ABHD2: variants seen among roughly 807,000 people sequenced by gnomAD.
The protein encoded by ABHD2 is monoacylglycerol lipase ABHD2.
Under a neutral mutation model 48.1 loss-of-function variants are expected in ABHD2, and 20 were observed. That is an observed-to-expected ratio of 0.42 (90% CI 0.29 to 0.60). The LOEUF is 0.60. Ranked by LOEUF, ABHD2 falls within the 20% of genes least tolerant of loss-of-function variation. The pLI, the probability that ABHD2 is intolerant of heterozygous loss-of-function variation, is 0.24. For synonymous variants in ABHD2, 209 were observed against 214.2 expected (o/e 0.98, Z 0.21); for missense variants, 405 against 550.9 (o/e 0.74, Z 2.65).
In ABHD2 at chr15:89,201,822, A is replaced by AG; in HGVS notation, c.*6404dup. 2 of 1,245,662 alleles carry AG rather than the reference A, an allele frequency of 1.6e-6. No individual in the cohort carries two copies. The highest frequency in any genetic ancestry group is 1.2e-6 in the Non-Finnish European group (1 of 860,988). 77.2% of individuals were successfully genotyped at this position (1,245,662 alleles called of 1,614,324 possible). The stretch of plus-strand genomic sequence containing the variant: ...CGCCATTGGAGAGACAGCGCAGAGC[A>AG]GGGGGCGGCTTGCTCGCTGGGGGCG... On this transcript the variant is annotated 3_prime_UTR_variant, in exon 11 of 11. Coordinates refer to ENST00000352732, the MANE Select transcript of ABHD2 (RefSeq NM_152924.5).
intron 1 of ABHD2, among the ~76,000 whole-genome samples, chr15:89,096,610 A>G (rs1358683881): frequency 6.6e-6 from 1 of 152,124 alleles, no homozygotes; most frequent in Admixed American, 6.5e-5. Context: ...ACCATTTGAG[A>G]AATATTAGCT....
chr15:89,112,308 T>C (rs1297567935), intron 1 of ABHD2, among the ~76,000 whole-genome samples: 1 of 152,236 alleles, frequency 6.6e-6, no homozygotes, highest in African/African-American at 2.4e-5. Context: ...GTGTTAATAA[T>C]ATGGCAATGA....
intron 2 of ABHD2, among the ~76,000 whole-genome samples, chr15:89,115,498 CA>C (rs1206433022): frequency 2.0e-5 from 3 of 151,252 alleles, no homozygotes; most frequent in African/African-American, 7.3e-5. Context: ...GCCAGATGAG[CA>C]TATACATTTT....
At position 89,116,251 on chromosome 15, in the gene ABHD2, G is replaced by A. The variant is rs192420198; in HGVS notation, c.-6-71G>A. On this transcript the variant is annotated intron_variant, in intron 2 of 10. Transcript: ENST00000352732. The surrounding 1 kb of genome is among the most constrained non-coding windows in gnomAD (Gnocchi z 4.6). ...GGCAGTATCTCTTAGCCCACCATGC[G>A]TCTGTAGGGTGGTGGGCACCACCCG... 3.7e-4 allele frequency: 522 copies of A among 1,399,230 alleles called. No homozygotes were observed. The African/African-American group carries it at 5.6e-3, about 15-fold the overall frequency. The allele number at this position is 1,399,230 out of a possible 1,614,324, so 86.7% of individuals were successfully genotyped here.
chr15:89,052,546 G>GAC, the ABHD2 span, among the ~76,000 whole-genome samples: 1,514 of 137,090 alleles, frequency 0.011, 18 homozygotes, highest in African/African-American at 0.023. Context: ...CAGACAGACA[G>GAC]ACAGACAGAC....
At chr15:89,084,725 C>T (rs1433831064), upstream of ABHD2, among the ~76,000 whole-genome samples, 3 of 152,210 alleles carry the variant, frequency 2.0e-5, no homozygotes, top group Non-Finnish European at 4.4e-5. The surrounding 1 kb of genome is among the most constrained non-coding windows in gnomAD (Gnocchi z 4.4). Context: ...CTGAAATGGG[C>T]TCCTATAATA....
the ABHD2 span, among the ~76,000 whole-genome samples, chr15:89,043,644 AAGGAGAAGGAGGAGGAGGAGAGGGAGG>A: frequency 8.5e-6 from 1 of 117,104 alleles, no homozygotes; most frequent in African/African-American, 3.2e-5. Context: ...GAGGAGGAGG[AAGGAGAAGGAGGAGGAGGAGAGGGAGG>A]AGGAGAAGGA....
rs138531705 is a variant in ABHD2, at chr15:89,182,195, T to A, written c.723-3229T>A. ...GTTAATTTTCTCTTCTCATTTGTGATTATCACTTCTTGAGAGTTTTGCAAC... is the reference window on the plus strand; with the variant it reads ...GTTAATTTTCTCTTCTCATTTGTGAATATCACTTCTTGAGAGTTTTGCAAC... On this transcript the variant is annotated intron_variant, in intron 6 of 10. Coordinates refer to ENST00000352732, the MANE Select transcript of ABHD2 (RefSeq NM_152924.5). This position sits in a 1 kb window ranked among gnomAD's most constrained non-coding sequence, Gnocchi z 4.8. Among the ~76,000 whole-genome samples, 2 of 152,348 alleles carry A rather than the reference T, an allele frequency of 1.3e-5. No homozygotes were observed. The highest frequency in any genetic ancestry group is 4.8e-5 in the African/African-American group (2 of 41,584).
the ABHD2 span, among the ~76,000 whole-genome samples, chr15:89,065,572 G>A: frequency 1.3e-5 from 2 of 152,120 alleles, no homozygotes; most frequent in Non-Finnish European, 2.9e-5. Flanking sequence ...ACATTACATT[G>A]TTTTAATGCA....
At chr15:89,131,676 A>C (rs1264214284) in intron 3 of ABHD2, among the ~76,000 whole-genome samples, 1 of 152,242 alleles carries the variant, frequency 6.6e-6, no homozygotes, top group Non-Finnish European at 1.5e-5. Flanking sequence ...AAAATAAAAA[A>C]TTTCACAAAA....
chr15:89,165,164 C>T (rs2050819160), intron 5 of ABHD2, among the ~76,000 whole-genome samples: 2 of 152,206 alleles, frequency 1.3e-5, no homozygotes, highest in Non-Finnish European at 2.9e-5. Context: ...GGCCTCTTGG[C>T]CAAATCTGTT....
the ABHD2 span, among the ~76,000 whole-genome samples, chr15:89,079,293 C>A: frequency 1.3e-5 from 2 of 152,188 alleles, no homozygotes; most frequent in Non-Finnish European, 2.9e-5. The surrounding 1 kb of genome is among the most constrained non-coding windows in gnomAD (Gnocchi z 4.3). Flanking sequence ...TGTCTCATTG[C>A]TTACCCTTCC....
the ABHD2 span, among the ~76,000 whole-genome samples, chr15:89,066,700 C>G: frequency 1.3e-5 from 2 of 152,134 alleles, no homozygotes; most frequent in Admixed American, 6.5e-5. Flanking sequence ...TAAGCCACAG[C>G]AGGAGGGCTG....
At chr15:89,071,909 C>T in the ABHD2 span, among the ~76,000 whole-genome samples, 4 of 152,170 alleles carry the variant, frequency 2.6e-5, no homozygotes, top group Non-Finnish European at 4.4e-5. Context: ...ATGCCACTTT[C>T]GGGTAGAAGC....
intron 6 of ABHD2, among the ~76,000 whole-genome samples, chr15:89,180,256 GC>G (rs1156715215): frequency 7.2e-5 from 11 of 152,130 alleles, no homozygotes; most frequent in Non-Finnish European, 1.5e-4. Flanking sequence ...GTGCCTTGGG[GC>G]TTTTTGTGGG....
intron 3 of ABHD2, among the ~76,000 whole-genome samples, chr15:89,126,147 C>T (rs971105527): frequency 6.6e-6 from 1 of 152,116 alleles, no homozygotes; most frequent in Non-Finnish European, 1.5e-5. Context: ...ATATGTCTTC[C>T]AAAAGGAAGT....
At chr15:89,064,922 G>A in the ABHD2 span, among the ~76,000 whole-genome samples, 1 of 152,000 alleles carries the variant, frequency 6.6e-6, no homozygotes, top group African/African-American at 2.4e-5. Flanking sequence ...AGCACCTGCA[G>A]GCCCTGCCCC....
upstream of ABHD2, chr15:89,087,963 G>GAGTC (rs988950774): frequency 6.6e-6 from 1 of 152,092 alleles, no homozygotes; most frequent in Non-Finnish European, 1.5e-5. The surrounding 1 kb of genome is among the most constrained non-coding windows in gnomAD (Gnocchi z 5.5). Flanking sequence ...GAGTACACGT[G>GAGTC]AGTCAGTCAG....
Position 89,155,458 on chromosome 15 carries a change from C to G in ABHD2, c.462C>G (p.Gly154=). Residue 154 remains glycine (G), a synonymous_variant, in exon 5 of 11, where the codon GGC becomes GGG. Coordinates refer to ENST00000352732, the MANE Select transcript of ABHD2 (RefSeq NM_152924.5). This position sits in a 1 kb window ranked among gnomAD's most constrained non-coding sequence, Gnocchi z 4.9. The part of the protein sequence containing the change: ...RTFVDYAQKN[G]YRCAVLNHLG... ...TCGTTGACTACGCCCAGAAAAATGGCTATCGGTGCGCCGTGCTGAACCACC... is the reference window on the plus strand; with the variant it reads ...TCGTTGACTACGCCCAGAAAAATGGGTATCGGTGCGCCGTGCTGAACCACC... 1 of 1,614,212 alleles carries G rather than the reference C, an allele frequency of 6.2e-7. No individual in the cohort carries two copies. Among genetic ancestry groups the G allele is most frequent in the South Asian group, 1.1e-5 (1 of 91,084 alleles).
Sources: allele counts gnomAD v4.1 joint callset (sites outside exome capture counted in the v4.1 genomes callset), GRCh38; gene constraint gnomAD v4.1.1; non-coding constraint Gnocchi (gnomAD v3.1); transcripts MANE v1.5; gene names NCBI Gene and HGNC (gene_info 2026-07-23, HGNC 2026-07-21).